The following ODAD2 variants were observed in gnomAD, a reference collection of about 807,000 sequenced individuals.
The protein encoded by ODAD2 is outer dynein arm docking complex subunit 2.
In ODAD2, 89 loss-of-function variants were observed where a neutral mutation model predicts 106.8. The ratio of observed to expected loss-of-function variants is 0.83; its 90% confidence interval spans 0.70 to 0.99. The LOEUF (loss-of-function observed/expected upper bound fraction) is 0.99. ODAD2 is among the 50% of genes least tolerant of loss of function. The probability of loss-of-function intolerance (pLI) is 0.00; values close to 1 mark genes in which losing one functional copy is unlikely to be tolerated. For missense variants in ODAD2, 1,168 were observed against 1,238.5 expected (o/e 0.94, Z 0.85); for synonymous variants, 404 against 436.2 (o/e 0.93, Z 0.92).
intron 15 of ODAD2, among the ~76,000 whole-genome samples, chr10:27,935,989 T>C (rs1309246942): frequency 6.6e-6 from 1 of 152,192 alleles, no homozygotes; most frequent in East Asian, 1.9e-4. Context: ...TTAAGTACCA[T>C]GATGCAGCTG....
intron 19 of ODAD2, among the ~76,000 whole-genome samples, chr10:27,813,622 G>A (rs12249609): frequency 0.047 from 7,166 of 152,232 alleles, 215 homozygotes; most frequent in African/African-American, 0.092. Context: ...GCCAAAAAAC[G>A]AGGATGATTT....
At chr10:27,886,094 G>A (rs1842202164) in intron 17 of ODAD2, among the ~76,000 whole-genome samples, 1 of 149,932 alleles carries the variant, frequency 6.7e-6, no homozygotes, top group Non-Finnish European at 1.5e-5. Flanking sequence ...TGTGAGAAAA[G>A]GACAGGAAAA....
In ODAD2 at chr10:27,902,623, C is replaced by T. The variant is rs188195570; in HGVS notation, c.2610+5040G>A. On this transcript the variant is annotated intron_variant, in intron 17 of 19. Coordinates refer to ENST00000305242, the MANE Select transcript of ODAD2 (RefSeq NM_018076.5). Reference sequence around the variant, plus strand: ...AAAAATGATACAGGGGAGATCACCACTGATCCCACAGAAATACAAACTACC... The same window carrying T: ...AAAAATGATACAGGGGAGATCACCATTGATCCCACAGAAATACAAACTACC... Among the ~76,000 whole-genome samples the T allele has an allele frequency of 4.1e-3, 619 of 152,278 alleles. 7 individuals are homozygous for T. The highest frequency in any genetic ancestry group is 6.6e-3 in the Non-Finnish European group (449 of 68,024).
chr10:27,992,275 G>A (rs1286245776), intron 2 of ODAD2, among the ~76,000 whole-genome samples: 2 of 152,148 alleles, frequency 1.3e-5, no homozygotes, highest in Admixed American at 1.3e-4. Flanking sequence ...CAAAAAGAAT[G>A]GATTGAGAAA....
At chr10:27,812,825 T>C (rs1471230397) in intron 19 of ODAD2, among the ~76,000 whole-genome samples, 200 bp from the exon 20 acceptor site, 2 of 152,240 alleles carry the variant, frequency 1.3e-5, no homozygotes, top group East Asian at 1.9e-4. Context: ...TTCTTACCTT[T>C]CTGGAGCTGA....
At chr10:27,829,461 A>C (rs74127112) in intron 19 of ODAD2, among the ~76,000 whole-genome samples, 5,320 of 152,178 alleles carry the variant, frequency 0.035, 332 homozygotes, top group African/African-American at 0.12. Context: ...GTATCTTCAG[A>C]GTCTGTCTTG....
rs373695337 is a variant in ODAD2, at chr10:27,952,860, CT to C, written c.1387-7899del. On this transcript the variant is annotated intron_variant, in intron 10 of 19. Transcript: ENST00000305242. ...TTGCTTTCTGTAAGGAGCTATGAAA[CT>C]TTTTTTTACATAAACCAAGTTTGTT... is the stretch of plus-strand genomic sequence containing the variant. Among the ~76,000 whole-genome samples, 947 of 151,966 alleles carry C rather than the reference CT, an allele frequency of 6.2e-3. 8 individuals are homozygous for C. Among genetic ancestry groups the C allele is most frequent in the African/African-American group, 0.022 (899 of 41,442 alleles).
chr10:27,935,365 C>A, intron 15 of ODAD2, 113 bp from the exon 16 acceptor site: 1 of 1,330,956 alleles, frequency 7.5e-7, no homozygotes. Flanking sequence ...TTATTAAATC[C>A]CCATTACTGG....
At chr10:27,910,943 A>G (rs1455244050) in intron 16 of ODAD2, among the ~76,000 whole-genome samples, 1 of 152,130 alleles carries the variant, frequency 6.6e-6, no homozygotes, top group African/African-American at 2.4e-5. Context: ...CAATCAATAT[A>G]TAACGTTGTT....
intron 16 of ODAD2, among the ~76,000 whole-genome samples, chr10:27,913,748 A>T (rs186352469): frequency 4.6e-5 from 7 of 152,258 alleles, no homozygotes; most frequent in African/African-American, 1.7e-4. Flanking sequence ...AACATCACTG[A>T]TCATTAGAGA....
chr10:27,970,390 C>G (rs1206624241), intron 8 of ODAD2, among the ~76,000 whole-genome samples: 1 of 152,130 alleles, frequency 6.6e-6, no homozygotes, highest in Non-Finnish European at 1.5e-5. Context: ...ATATAATTTT[C>G]ATCATTCCAC....
At chr10:27,993,974 ATGTG>A (rs56017872) in intron 2 of ODAD2, among the ~76,000 whole-genome samples, 91 of 140,614 alleles carry the variant, frequency 6.5e-4, no homozygotes, top group Admixed American at 3.8e-3. Context: ...ATATATATAT[ATGTG>A]TGTGTGTGTG....
rs568153089 is a variant in ODAD2 at position 27,831,101 on chromosome 10, C to A, written c.3022-18476G>T. 1.6e-4 allele frequency among the ~76,000 whole-genome samples: 24 copies of A among 152,234 alleles called. No homozygotes were observed. The East Asian group carries it at 4.6e-3, about 29-fold the overall frequency. ...GCATGAGGAGGGATCTGGAGGCCAA[C>A]GGCCCAGGAGACAGTGCTCCCAGAA... On this transcript the variant is annotated intron_variant, in intron 19 of 19. Coordinates refer to ENST00000305242, the MANE Select transcript of ODAD2 (RefSeq NM_018076.5).
Position 27,944,832 on chromosome 10 carries a change from T to A in ODAD2, c.1517A>T (p.Asp506Val). 1 of 1,614,104 alleles carries A rather than the reference T, an allele frequency of 6.2e-7. No homozygotes were observed. Among genetic ancestry groups the A allele is most frequent in the Non-Finnish European group, 8.5e-7 (1 of 1,179,998 alleles). ...GCCACTCACCTTACATTTGACTTCA[T>A]CGGTTTCAAGCAAATTTATCAGCAC... ...LEVLINLLET[D>V]EVKCKIGSLK... The change falls in exon 11 of 20, where the codon GAT becomes GTT. Residue 506 changes from aspartate to valine, a missense_variant. This residue lies in a region of ODAD2 where 701 missense variants were observed against 712.3 expected (regional missense o/e 0.98). Transcript: ENST00000305242.
At chr10:27,908,387 C>A (rs1158223785) in intron 16 of ODAD2, among the ~76,000 whole-genome samples, 3 of 152,130 alleles carry the variant, frequency 2.0e-5, no homozygotes, top group African/African-American at 7.2e-5. Flanking sequence ...AGCTTCATGA[C>A]TAGCTGAAAA....
At chr10:27,990,180 C>T (rs529962686) in intron 2 of ODAD2, among the ~76,000 whole-genome samples, 1 of 152,026 alleles carries the variant, frequency 6.6e-6, no homozygotes, top group African/African-American at 2.4e-5. Context: ...CAAGATCTTG[C>T]TCTGTCACCC....
chr10:27,904,345 G>T (rs1298023255), intron 17 of ODAD2: 1 of 293,046 alleles, frequency 3.4e-6, no homozygotes, highest in Admixed American at 3.1e-5. Context: ...AGGAAGCAGA[G>T]CGGGAATCTT....
At chr10:27,928,714 A>G (rs917270958) in intron 16 of ODAD2, among the ~76,000 whole-genome samples, 1 of 151,846 alleles carries the variant, frequency 6.6e-6, no homozygotes, top group Admixed American at 6.6e-5. Flanking sequence ...ATGAATATAC[A>G]TACTATGCAA....
At chr10:27,872,874 A>G (rs769301360) in intron 17 of ODAD2, among the ~76,000 whole-genome samples, 1 of 152,186 alleles carries the variant, frequency 6.6e-6, no homozygotes, top group Non-Finnish European at 1.5e-5. Context: ...GCCTCATAAA[A>G]TGAGTTAGAG....
Sources: allele counts gnomAD v4.1 joint callset (sites outside exome capture counted in the v4.1 genomes callset), GRCh38; gene constraint gnomAD v4.1.1; regional missense constraint gnomAD v4.1.1; transcripts MANE v1.5; gene names NCBI Gene and HGNC (gene_info 2026-07-23, HGNC 2026-07-21).